Variants in ADGRL3 observed in about 807,000 individuals in gnomAD.
ADGRL3 encodes calcium-independent alpha-latrotoxin receptor 3.
ADGRL3 carries 62 observed loss-of-function variants against 153.5 expected under a neutral mutation model. The ratio of observed to expected loss-of-function variants is 0.40; its 90% CI spans 0.33 to 0.50. The LOEUF (loss-of-function observed/expected upper bound fraction) is 0.50. ADGRL3 is among the 20% of genes least tolerant of loss of function. ADGRL3 has a pLI of 0.47. For synonymous variants in ADGRL3, 710 were observed against 672.5 expected (o/e 1.06, Z -0.86); for missense variants, 1,641 against 1,859.4 (o/e 0.88, Z 2.16).
At chr4:61,960,560 G>C (rs1408287771) in intron 17 of ADGRL3, among the ~76,000 whole-genome samples, 1 of 152,278 alleles carries the variant, frequency 6.6e-6, no homozygotes. Flanking sequence ...AGCATGGCCT[G>C]TTTTATAAAT....
chr4:62,007,458 A>G (rs1244560948), intron 21 of ADGRL3, among the ~76,000 whole-genome samples: 1 of 132,468 alleles, frequency 7.5e-6, no homozygotes, highest in East Asian at 2.1e-4. Context: ...ATATATATAC[A>G]TATATGTGTG....
intron 8 of ADGRL3, among the ~76,000 whole-genome samples, chr4:61,789,473 A>G (rs185091842): frequency 1.8e-4 from 28 of 152,354 alleles, no homozygotes; most frequent in Admixed American, 1.8e-3. Flanking sequence ...ATTATCAAAT[A>G]TATTGGCAAT....
intron 3 of ADGRL3, among the ~76,000 whole-genome samples, chr4:61,500,579 A>T (rs2098376821): frequency 6.6e-6 from 1 of 152,162 alleles, no homozygotes; most frequent in African/African-American, 2.4e-5. Flanking sequence ...TGGTTCCAAC[A>T]TGTCCTCTGC....
chr4:61,949,889 G>T (rs565424822), intron 17 of ADGRL3, among the ~76,000 whole-genome samples: 2 of 152,064 alleles, frequency 1.3e-5, no homozygotes, highest in Non-Finnish European at 2.9e-5. Context: ...CACTTTATGC[G>T]AAAGTTAAAG....
chr4:61,245,858 G>A (rs1756840225), intron 1 of ADGRL3, among the ~76,000 whole-genome samples: 2 of 150,706 alleles, frequency 1.3e-5, no homozygotes, highest in South Asian at 4.2e-4. Flanking sequence ...CCTGCTTTCA[G>A]ATAGGGCAAT....
chr4:61,809,860 C>A (rs1319850547), intron 8 of ADGRL3, among the ~76,000 whole-genome samples: 1 of 151,894 alleles, frequency 6.6e-6, no homozygotes, highest in Non-Finnish European at 1.5e-5. Context: ...GTACTAAAAA[C>A]TGTTTTAATT....
At chr4:62,007,409 C>T (rs1389702368) in intron 21 of ADGRL3, among the ~76,000 whole-genome samples, 6 of 90,848 alleles carry the variant, frequency 6.6e-5, no homozygotes, top group Admixed American at 3.5e-4. Context: ...TATATATACA[C>T]GTATATATAT....
intron 1 of ADGRL3, among the ~76,000 whole-genome samples, chr4:61,217,789 A>AT (rs1743548460): frequency 6.6e-6 from 1 of 151,942 alleles, no homozygotes; most frequent in Non-Finnish European, 1.5e-5. Context: ...TCTTACCCTT[A>AT]TTTTTTCCCA....
At chr4:61,346,308 TACACAC>T (rs10693257) in intron 1 of ADGRL3, among the ~76,000 whole-genome samples, 2,369 of 144,620 alleles carry the variant, frequency 0.016, 52 homozygotes, top group African/African-American at 0.052. Flanking sequence ...TGTCACAGTC[TACACAC>T]ACACACACAC....
chr4:61,848,586 G>A (rs928717333), intron 9 of ADGRL3, among the ~76,000 whole-genome samples: 2 of 151,960 alleles, frequency 1.3e-5, no homozygotes, highest in Non-Finnish European at 2.9e-5. Context: ...ACATTCACAG[G>A]TACCAGGGGT....
intron 2 of ADGRL3, among the ~76,000 whole-genome samples, chr4:61,418,387 T>C (rs986006042): frequency 2.0e-5 from 3 of 152,218 alleles, no homozygotes; most frequent in African/African-American, 4.8e-5. Context: ...TATTCTGCAA[T>C]TGAGCATATT....
intron 9 of ADGRL3, among the ~76,000 whole-genome samples, chr4:61,879,305 G>A (rs528699072): frequency 6.6e-6 from 1 of 152,104 alleles, no homozygotes; most frequent in African/African-American, 2.4e-5. Flanking sequence ...ACTACAGATT[G>A]TATATCCCTT....
At chr4:61,981,483 T>C (rs2099068165) in intron 18 of ADGRL3, among the ~76,000 whole-genome samples, 1 of 151,738 alleles carries the variant, frequency 6.6e-6, no homozygotes, top group Admixed American at 6.6e-5. Flanking sequence ...TTGTACGTTA[T>C]TGCAACCTAC....
intron 8 of ADGRL3, among the ~76,000 whole-genome samples, chr4:61,762,920 C>T (rs1192282177): frequency 6.6e-6 from 1 of 152,056 alleles, no homozygotes; most frequent in Non-Finnish European, 1.5e-5. Context: ...AAATTCTTTT[C>T]CTACAAACCC....
At chr4:61,601,543 T>C (rs2099011611) in intron 5 of ADGRL3, among the ~76,000 whole-genome samples, 1 of 152,206 alleles carries the variant, frequency 6.6e-6, no homozygotes, top group African/African-American at 2.4e-5. Context: ...TATTTGATAT[T>C]GTGTTCATGA....
rs1332185011 is a variant in ADGRL3, at chr4:61,281,459, T to G, written c.-240+79694T>G. On this transcript the variant is annotated intron_variant, in intron 1 of 26. Coordinates refer to ENST00000683033, the MANE Select transcript of ADGRL3 (RefSeq NM_001387552.1). ...ATATTTTAAGAGGACTTACAATGCT[T>G]GCAGGTAGCTTTATTTTATTGCATT... 3.9e-5 allele frequency among the ~76,000 whole-genome samples: 6 copies of G among 152,288 alleles called. 1 individual carries two copies. The highest frequency in any genetic ancestry group is 2.0e-4 in the Admixed American group (3 of 15,288).
chr4:62,029,536 G>T (rs775809571), intron 22 of ADGRL3, among the ~76,000 whole-genome samples: 7 of 151,162 alleles, frequency 4.6e-5, no homozygotes, highest in Non-Finnish European at 7.4e-5. Flanking sequence ...GACATTTTTC[G>T]GATGCATACT....
chr4:61,793,772 T>A (rs1042144791), intron 8 of ADGRL3, among the ~76,000 whole-genome samples: 2 of 152,138 alleles, frequency 1.3e-5, no homozygotes, highest in African/African-American at 4.8e-5. Flanking sequence ...ATTTTTTAAA[T>A]CCCTATTGCT....
chr4:61,238,156 T>C (rs1315281391), intron 1 of ADGRL3, among the ~76,000 whole-genome samples: 4 of 152,178 alleles, frequency 2.6e-5, no homozygotes, highest in Non-Finnish European at 5.9e-5. Flanking sequence ...TAGCATTTGT[T>C]CTTATAGTAC....
Sources: allele counts gnomAD v4.1 joint callset (sites outside exome capture counted in the v4.1 genomes callset), GRCh38; gene constraint gnomAD v4.1.1; transcripts MANE v1.5; gene names NCBI Gene and HGNC (gene_info 2026-07-23, HGNC 2026-07-21).